Variants in MSRA observed in about 807,000 individuals in gnomAD.
MSRA encodes mitochondrial peptide methionine sulfoxide reductase.
In MSRA, 54 loss-of-function variants were observed where a neutral mutation model predicts 31.3. The observed-to-expected ratio is 1.73, with a 90% CI of 1.39 to 2.17. The LOEUF is 2.17. MSRA is among the 30% of genes most tolerant of loss of function. The pLI, the probability that MSRA is intolerant of heterozygous loss-of-function variation, is 0.00. For missense variants in MSRA, 507 were observed against 300.9 expected, an observed-to-expected ratio of 1.69 and a Z score of -5.07; for synonymous variants, 169 against 116.5, an observed-to-expected ratio of 1.45 and a Z score of -2.90.
At chr8:10,220,503 G>C (rs138138902) in intron 2 of MSRA, among the ~76,000 whole-genome samples, 25 of 152,290 alleles carry the variant, frequency 1.6e-4, no homozygotes, top group African/African-American at 5.3e-4. Context: ...CCTACTCAGG[G>C]TGAATCAGCA....
Position 10,370,086 on chromosome 8 carries a change from GT to G in MSRA, c.543+50100del, listed in dbSNP as rs1455422116. Reference sequence around the variant, plus strand: ...GTTTTGCCATCATTTTTGCTTTCTGGTTTAATAATAGCCAACATTTGTCTCG... The same window carrying G: ...GTTTTGCCATCATTTTTGCTTTCTGGTTAATAATAGCCAACATTTGTCTCG... On this transcript the variant is annotated intron_variant, in intron 5 of 5. Transcript: ENST00000317173. Among the ~76,000 whole-genome samples the G allele has an allele frequency of 1.3e-4, 20 of 152,262 alleles. No homozygotes were observed. In the East Asian group the frequency reaches 3.9e-3, roughly 29 times the overall value.
intron 1 of MSRA, among the ~76,000 whole-genome samples, chr8:10,176,591 T>G (rs1806070345): frequency 6.6e-6 from 1 of 152,206 alleles, no homozygotes; most frequent in Admixed American, 6.5e-5. Context: ...AGCAGAAGAC[T>G]TTAACTTTTC....
intron 3 of MSRA, among the ~76,000 whole-genome samples, chr8:10,276,029 T>G (rs899841671): frequency 2.6e-5 from 4 of 152,228 alleles, no homozygotes; most frequent in Non-Finnish European, 5.9e-5. Context: ...CTGGCTGGTG[T>G]TTACACACTG....
chr8:10,137,826 T>C (rs984395386), intron 1 of MSRA, among the ~76,000 whole-genome samples: 2 of 152,174 alleles, frequency 1.3e-5, no homozygotes, highest in African/African-American at 2.4e-5. Context: ...TATATAGCTA[T>C]AGGGATCCCT....
At chr8:10,125,301 G>A (rs1219503832) in intron 1 of MSRA, among the ~76,000 whole-genome samples, 2 of 152,224 alleles carry the variant, frequency 1.3e-5, no homozygotes, top group African/African-American at 4.8e-5. Context: ...AAGGCTTGGG[G>A]AGTTTCTTGC....
intron 5 of MSRA, among the ~76,000 whole-genome samples, chr8:10,402,267 C>G (rs930909028): frequency 2.0e-5 from 3 of 152,196 alleles, no homozygotes; most frequent in African/African-American, 7.2e-5. Context: ...GACAGAAGCT[C>G]TCTAGGGGGC....
At chr8:10,216,407 T>C (rs1309812544) in intron 2 of MSRA, among the ~76,000 whole-genome samples, 2 of 150,972 alleles carry the variant, frequency 1.3e-5, no homozygotes, top group Admixed American at 6.6e-5. Context: ...TTTTAAAAAA[T>C]TGTGGTAACA....
At chr8:10,067,746 T>C in intron 1 of MSRA, among the ~76,000 whole-genome samples, 1 of 152,170 alleles carries the variant, frequency 6.6e-6, no homozygotes, top group South Asian at 2.1e-4. Flanking sequence ...TTGTTTTAAT[T>C]TGCAATTCCC....
At chr8:10,207,928 C>T (rs564358447) in intron 2 of MSRA, 27 bp downstream of exon 2, 5 of 1,587,778 alleles carry the variant, frequency 3.1e-6, no homozygotes, top group East Asian at 4.5e-5. Flanking sequence ...GAAAGAAAAC[C>T]CAAATTGTGT....
rs563375258 is a variant in MSRA at position 10,217,437 on chromosome 8, A to G, written c.211+9536A>G. On this transcript the variant is annotated intron_variant, in intron 2 of 5. Coordinates refer to ENST00000317173, the MANE Select transcript of MSRA (RefSeq NM_012331.5). Reference sequence around the variant, plus strand: ...TTAACCCAGAAGTTAATTGCGTTGTATCTAAAACAAGCAATGGACCAGCTG... The same window carrying G: ...TTAACCCAGAAGTTAATTGCGTTGTGTCTAAAACAAGCAATGGACCAGCTG... Among the ~76,000 whole-genome samples, 30 of 152,350 alleles carry G rather than the reference A, an allele frequency of 2.0e-4. No homozygotes were observed. In the South Asian group the frequency reaches 5.4e-3, roughly 27 times the overall value.
intron 5 of MSRA, among the ~76,000 whole-genome samples, chr8:10,424,820 G>A (rs1017073719): frequency 6.6e-6 from 1 of 152,218 alleles, no homozygotes; most frequent in Non-Finnish European, 1.5e-5. Flanking sequence ...ACTCTTTGAA[G>A]ATCGCCAAGC....
At chr8:10,093,961 A>G (rs1012823649) in intron 1 of MSRA, among the ~76,000 whole-genome samples, 1 of 152,210 alleles carries the variant, frequency 6.6e-6, no homozygotes, top group African/African-American at 2.4e-5. Flanking sequence ...ATGGTTTTCA[A>G]TGAGAAATCG....
At chr8:10,164,824 T>C (rs867247990) in intron 1 of MSRA, among the ~76,000 whole-genome samples, 5 of 152,150 alleles carry the variant, frequency 3.3e-5, no homozygotes, top group Middle Eastern at 3.2e-3. Flanking sequence ...GGTCAGGAGT[T>C]CGAGACCAGC....
chr8:10,376,125 C>T (rs1321820987), intron 5 of MSRA, among the ~76,000 whole-genome samples: 1 of 152,182 alleles, frequency 6.6e-6, no homozygotes, highest in Non-Finnish European at 1.5e-5. Context: ...ACTCACATTT[C>T]TGACAATCTG....
intron 2 of MSRA, among the ~76,000 whole-genome samples, chr8:10,224,837 C>A (rs1474705977): frequency 2.0e-5 from 3 of 152,186 alleles, no homozygotes; most frequent in Non-Finnish European, 4.4e-5. Context: ...AATCTACTCT[C>A]CTAGCCTTTT....
intron 1 of MSRA, among the ~76,000 whole-genome samples, chr8:10,193,833 G>A (rs1013077722): frequency 6.6e-6 from 1 of 152,112 alleles, no homozygotes; most frequent in Non-Finnish European, 1.5e-5. Flanking sequence ...AAATGTTAGA[G>A]TAGCTGATTT....
intron 5 of MSRA, among the ~76,000 whole-genome samples, chr8:10,393,970 T>C (rs1418814310): frequency 6.6e-6 from 1 of 152,296 alleles, no homozygotes. Context: ...CCAGGCCTTG[T>C]GTGTTGTAAG....
chr8:10,231,588 T>C (rs1420127615), intron 2 of MSRA, among the ~76,000 whole-genome samples: 3 of 152,178 alleles, frequency 2.0e-5, no homozygotes, highest in African/African-American at 7.2e-5. Flanking sequence ...GTTTGAACTA[T>C]ATAGAAAGAG....
chr8:10,139,686 T>C (rs1019507441), intron 1 of MSRA, among the ~76,000 whole-genome samples: 3 of 152,262 alleles, frequency 2.0e-5, no homozygotes, highest in African/African-American at 7.2e-5. Context: ...ATTGCTTGAT[T>C]TCATTCTTTT....
Sources: gnomAD v4.1 joint callset for allele counts (sites outside exome capture counted in the v4.1 genomes callset) on GRCh38, gnomAD v4.1.1 for gene constraint, MANE v1.5 for transcripts, NCBI Gene and HGNC (gene_info 2026-07-23, HGNC 2026-07-21) for gene names.